Variants in NDUFAF2 observed in about 807,000 individuals in gnomAD.
The protein encoded by NDUFAF2 is NADH:ubiquinone oxidoreductase complex assembly factor 2, also known as NADH dehydrogenase [ubiquinone] 1 alpha subcomplex assembly factor 2.
NDUFAF2 carries 13 observed loss-of-function variants against 22.8 expected under a neutral mutation model. The ratio of observed to expected loss-of-function variants is 0.57; its 90% CI spans 0.37 to 0.91. The LOEUF is 0.91. Among genes scored for constraint, NDUFAF2 ranks in the 40% least tolerant of loss-of-function variants. NDUFAF2 has a pLI of 0.01. For missense variants in NDUFAF2, 162 were observed against 195.2 expected (o/e 0.83, Z 1.01); for synonymous variants, 53 against 64.2 (o/e 0.83, Z 0.84).
chr5:60,969,351 T>G (rs922894378), intron 1 of NDUFAF2, among the ~76,000 whole-genome samples: 1 of 152,126 alleles, frequency 6.6e-6, no homozygotes, highest in Non-Finnish European at 1.5e-5. Flanking sequence ...GGTTCTTTTT[T>G]CTCCACATCG....
chr5:61,006,956 T>C (rs182317513), intron 1 of NDUFAF2, among the ~76,000 whole-genome samples: 2 of 152,216 alleles, frequency 1.3e-5, no homozygotes, highest in Admixed American at 1.3e-4. Context: ...ATTTATCTCT[T>C]AAAGAACGGA....
chr5:60,974,797 G>A (rs1179374790), intron 1 of NDUFAF2, among the ~76,000 whole-genome samples: 1 of 152,060 alleles, frequency 6.6e-6, no homozygotes, highest in Non-Finnish European at 1.5e-5. Flanking sequence ...ATTTGTGTTT[G>A]TTTGTTTGTT....
intron 3 of NDUFAF2, among the ~76,000 whole-genome samples, chr5:61,102,819 G>A (rs1752719101): frequency 6.8e-6 from 1 of 147,636 alleles, no homozygotes; most frequent in Non-Finnish European, 1.5e-5. Context: ...CAAATATTGG[G>A]CAGAAATCTT....
At chr5:61,099,213 T>TA (rs1157396089) in intron 3 of NDUFAF2, among the ~76,000 whole-genome samples, 181 bp downstream of exon 3, 1 of 150,610 alleles carries the variant, frequency 6.6e-6, no homozygotes, top group Non-Finnish European at 1.5e-5. Flanking sequence ...TAATATATGA[T>TA]AAAATAAATG....
intron 1 of NDUFAF2, among the ~76,000 whole-genome samples, chr5:61,049,494 G>A (rs940227509): frequency 3.3e-5 from 5 of 152,112 alleles, no homozygotes; most frequent in African/African-American, 1.2e-4. Flanking sequence ...TTCTTAGGCT[G>A]TAGTTCAGTG....
intron 2 of NDUFAF2, among the ~76,000 whole-genome samples, chr5:61,090,027 C>A (rs1178150610): frequency 6.6e-6 from 1 of 151,528 alleles, no homozygotes; most frequent in Non-Finnish European, 1.5e-5. Context: ...GTGCATTATG[C>A]CATTATACTT....
intron 1 of NDUFAF2, among the ~76,000 whole-genome samples, chr5:61,065,989 G>T (rs1213210366): frequency 2.0e-5 from 3 of 151,704 alleles, no homozygotes; most frequent in African/African-American, 4.8e-5. Flanking sequence ...ACTAATAAAT[G>T]AATTCAGTAA....
chr5:61,027,022 T>TA (rs1332128463), intron 1 of NDUFAF2, among the ~76,000 whole-genome samples: 1 of 151,740 alleles, frequency 6.6e-6, no homozygotes, highest in Non-Finnish European at 1.5e-5. Context: ...TTTTCACAAC[T>TA]ATATGTAAAA....
At chr5:61,036,988 A>AG (rs1466563004) in intron 1 of NDUFAF2, among the ~76,000 whole-genome samples, 3 of 152,128 alleles carry the variant, frequency 2.0e-5, no homozygotes, top group South Asian at 2.1e-4. Flanking sequence ...ACACCATCCT[A>AG]AATTTTTTTT....
chr5:61,020,193 A>G (rs1052740240), intron 1 of NDUFAF2, among the ~76,000 whole-genome samples: 10 of 152,144 alleles, frequency 6.6e-5, no homozygotes, highest in Admixed American at 1.3e-4. Flanking sequence ...ATGTTTGTCT[A>G]TAATTATTTT....
chr5:60,977,644 C>G (rs1210633785), intron 1 of NDUFAF2, among the ~76,000 whole-genome samples: 1 of 151,994 alleles, frequency 6.6e-6, no homozygotes, highest in Non-Finnish European at 1.5e-5. Flanking sequence ...AAAGATCAGA[C>G]TGGTCAATAT....
chr5:60,991,263 T>C (rs1360231524), intron 1 of NDUFAF2, among the ~76,000 whole-genome samples: 1 of 152,180 alleles, frequency 6.6e-6, no homozygotes, highest in Non-Finnish European at 1.5e-5. Context: ...CAATGTGAAA[T>C]AAGCACATCA....
chr5:60,962,599 G>A (rs943956365), intron 1 of NDUFAF2, among the ~76,000 whole-genome samples: 1 of 152,016 alleles, frequency 6.6e-6, no homozygotes, highest in Non-Finnish European at 1.5e-5. Flanking sequence ...TTGGGAGGCC[G>A]AGGTGGGCAG....
chr5:60,996,647 T>A (rs1751232456), intron 1 of NDUFAF2, among the ~76,000 whole-genome samples: 1 of 152,176 alleles, frequency 6.6e-6, no homozygotes, highest in Non-Finnish European at 1.5e-5. Context: ...GCCTTCAAGC[T>A]TACTTGGAGA....
chr5:61,075,706 A>C (rs1752360670), intron 2 of NDUFAF2, among the ~76,000 whole-genome samples: 2 of 152,200 alleles, frequency 1.3e-5, no homozygotes. Context: ...GTTTAAAACA[A>C]ATGTATCAAT....
intron 3 of NDUFAF2, among the ~76,000 whole-genome samples, chr5:61,138,477 C>G (rs1486711038): frequency 6.6e-6 from 1 of 152,174 alleles, no homozygotes; most frequent in Non-Finnish European, 1.5e-5. Flanking sequence ...ACCATGAGGA[C>G]ATCCCAGTAA....
chr5:61,130,485 A>G (rs1753095486), intron 3 of NDUFAF2, among the ~76,000 whole-genome samples: 1 of 152,078 alleles, frequency 6.6e-6, no homozygotes, highest in Admixed American at 6.6e-5. Context: ...TTCCCCAGAG[A>G]TCTTATATAA....
chr5:60,997,870 C>T (rs1561537985), intron 1 of NDUFAF2, among the ~76,000 whole-genome samples: 1 of 152,086 alleles, frequency 6.6e-6, no homozygotes, highest in Non-Finnish European at 1.5e-5. Flanking sequence ...TGAGGTATTA[C>T]CATCTTGGGG....
At chr5:61,127,521 A>G (rs1417678026) in intron 3 of NDUFAF2, among the ~76,000 whole-genome samples, 1 of 152,238 alleles carries the variant, frequency 6.6e-6, no homozygotes, top group Admixed American at 6.5e-5. Flanking sequence ...AACAGAACCA[A>G]TGACAAAACC....
Sources: allele counts gnomAD v4.1 joint callset (sites outside exome capture counted in the v4.1 genomes callset), GRCh38; gene constraint gnomAD v4.1.1; transcripts MANE v1.5; gene names NCBI Gene and HGNC (gene_info 2026-07-23, HGNC 2026-07-21).